DPP10: variants seen among roughly 807,000 people sequenced by gnomAD.
DPP10 encodes the protein inactive dipeptidyl peptidase 10.
DPP10 carries 33 observed loss-of-function variants against 120.9 expected under a neutral mutation model. The observed-to-expected ratio is 0.27, with a 90% confidence interval of 0.21 to 0.37. The LOEUF is 0.37. DPP10 is among the 10% of genes least tolerant of loss of function. DPP10 has a pLI of 1.00. For synonymous variants in DPP10, 337 were observed against 326.1 expected (o/e 1.03, Z -0.36); for missense variants, 816 against 942.8 (o/e 0.87, Z 1.76).
chr2:114,839,442 A>C (rs1276638062), intron 1 of DPP10, among the ~76,000 whole-genome samples: 2 of 152,198 alleles, frequency 1.3e-5, no homozygotes, highest in Admixed American at 6.6e-5. Context: ...TCATCAACAA[A>C]ATTTATTAAC....
chr2:115,394,334 T>G (rs1356767943), intron 3 of DPP10, among the ~76,000 whole-genome samples: 2 of 152,022 alleles, frequency 1.3e-5, no homozygotes, highest in Admixed American at 6.6e-5. Flanking sequence ...CCTAAAAATG[T>G]CAGTAAAAAG....
At chr2:114,559,087 C>T (rs984844367) in intron 1 of DPP10, among the ~76,000 whole-genome samples, 7 of 152,122 alleles carry the variant, frequency 4.6e-5, no homozygotes, top group Admixed American at 3.3e-4. Context: ...CTGAGGATAC[C>T]GAAGCTTAGT....
intron 8 of DPP10, among the ~76,000 whole-genome samples, chr2:115,735,684 A>ATTTT (rs70941095): frequency 1.6e-4 from 10 of 62,486 alleles, no homozygotes; most frequent in African/African-American, 3.6e-4. Context: ...CGCCCAGCTA[A>ATTTT]TTTTTTTTTT....
chr2:115,011,350 G>A (rs986643554), intron 1 of DPP10, among the ~76,000 whole-genome samples: 6 of 152,164 alleles, frequency 3.9e-5, no homozygotes, highest in African/African-American at 1.4e-4. Context: ...TCTCTGTCCT[G>A]TCAGTCATTG....
intron 1 of DPP10, chr2:115,162,255 G>A: frequency 6.4e-7 from 1 of 1,559,760 alleles, no homozygotes; most frequent in South Asian, 1.2e-5. Context: ...GGAGAGCCGC[G>A]GGGAAGGGGG....
intron 1 of DPP10, among the ~76,000 whole-genome samples, chr2:114,692,851 T>C (rs1028230105): frequency 1.3e-5 from 2 of 152,096 alleles, no homozygotes; most frequent in Non-Finnish European, 2.9e-5. Context: ...TCTTTGTCTT[T>C]TGTGATCTTT....
intron 1 of DPP10, among the ~76,000 whole-genome samples, chr2:115,063,302 G>C (rs995961039): frequency 6.6e-6 from 1 of 152,034 alleles, no homozygotes; most frequent in African/African-American, 2.4e-5. Context: ...TTGTCAGATG[G>C]AGAGATTGCA....
In DPP10 at chr2:115,790,756, G is replaced by T. The variant is rs1683880277; in HGVS notation, c.1532-325G>T. Among the ~76,000 whole-genome samples the T allele has an allele frequency of 2.0e-5, 3 of 152,016 alleles. No homozygotes were observed. The South Asian group carries it at 6.2e-4, about 32-fold the overall frequency. ...TTCTGTATCCCTTTTAATTGGTATAGGTACCTAGGTATTGTGAATCGCATC... is the reference window on the plus strand; with the variant it reads ...TTCTGTATCCCTTTTAATTGGTATATGTACCTAGGTATTGTGAATCGCATC... On this transcript the variant is annotated intron_variant, in intron 17 of 25. Transcript: ENST00000410059.
intron 1 of DPP10, among the ~76,000 whole-genome samples, chr2:114,658,803 GA>G: frequency 6.6e-6 from 1 of 152,128 alleles, no homozygotes; most frequent in Non-Finnish European, 1.5e-5. Flanking sequence ...TCTGGAATGT[GA>G]GCATACACTG....
intron 4 of DPP10, among the ~76,000 whole-genome samples, chr2:115,511,412 G>A (rs1411416649): frequency 6.6e-6 from 1 of 151,958 alleles, no homozygotes; most frequent in African/African-American, 2.4e-5. Flanking sequence ...TGATACTGAT[G>A]CCTCTTCTTT....
chr2:115,678,783 G>T lies in DPP10; in HGVS notation c.442-10904G>T, dbSNP rs554221211. On this transcript the variant is annotated intron_variant, in intron 5 of 25. Coordinates refer to ENST00000410059, the MANE Select transcript of DPP10 (RefSeq NM_020868.6). ...CAGCCCATGAAAGCATCTGACTGGG[G>T]GCTCTACTCTAAAGCCACAGTGGGT... Among the ~76,000 whole-genome samples, 50 of 152,310 alleles carry T rather than the reference G, an allele frequency of 3.3e-4. 1 individual carries two copies. In the Middle Eastern group the frequency reaches 0.024, roughly 73 times the overall value.
chr2:115,052,006 C>G (rs887974234), intron 1 of DPP10, among the ~76,000 whole-genome samples: 2 of 152,050 alleles, frequency 1.3e-5, no homozygotes. Flanking sequence ...ATAAAGAATT[C>G]GAGTTCAGAA....
chr2:115,780,698 A>T (rs1324105577), intron 15 of DPP10, among the ~76,000 whole-genome samples, 176 bp from the exon 16 acceptor site: 1 of 151,844 alleles, frequency 6.6e-6, no homozygotes, highest in Admixed American at 6.6e-5. Flanking sequence ...TGTATGTTTT[A>T]ACATTACTAA....
intron 5 of DPP10, among the ~76,000 whole-genome samples, chr2:115,598,078 C>T (rs2083096218): frequency 6.6e-6 from 1 of 151,980 alleles, no homozygotes; most frequent in South Asian, 2.1e-4. Flanking sequence ...ATTGCTACTT[C>T]AGCCTTCTGA....
At chr2:115,840,220 A>G (rs559451320) in intron 24 of DPP10, among the ~76,000 whole-genome samples, 49 of 149,412 alleles carry the variant, frequency 3.3e-4, no homozygotes, top group Admixed American at 1.2e-3. Flanking sequence ...AGTTGTAGCT[A>G]CTGTTTTGCT....
intron 1 of DPP10, among the ~76,000 whole-genome samples, chr2:115,205,662 T>A (rs983764012): frequency 6.6e-6 from 1 of 152,142 alleles, no homozygotes; most frequent in Non-Finnish European, 1.5e-5. Context: ...ATAAAGGAAA[T>A]GTGACACATA....
intron 1 of DPP10, among the ~76,000 whole-genome samples, chr2:114,712,934 G>A (rs1267335834): frequency 6.6e-6 from 1 of 151,362 alleles, no homozygotes; most frequent in African/African-American, 2.4e-5. Flanking sequence ...TAACACTTAA[G>A]CAGATACCTT....
chr2:115,560,431 T>C (rs866817426), intron 5 of DPP10, among the ~76,000 whole-genome samples: 4 of 74,674 alleles, frequency 5.4e-5, no homozygotes, highest in African/African-American at 2.1e-4. Context: ...TATATATATA[T>C]ATATATATAT....
intron 1 of DPP10, among the ~76,000 whole-genome samples, chr2:114,591,433 T>C (rs28485269): frequency 0.15 from 23,133 of 152,084 alleles, 2,199 homozygotes; most frequent in African/African-American, 0.27. Flanking sequence ...TTGTGCTTTC[T>C]CTTTACTGTC....
Sources: allele counts gnomAD v4.1 joint callset (sites outside exome capture counted in the v4.1 genomes callset), GRCh38; gene constraint gnomAD v4.1.1; transcripts MANE v1.5; gene names NCBI Gene and HGNC (gene_info 2026-07-23, HGNC 2026-07-21).